The following RPA3 variants were observed in gnomAD, a reference collection of about 807,000 sequenced individuals.
RPA3 encodes the protein replication protein A3.
In RPA3, 24 loss-of-function variants were observed where a neutral mutation model predicts 13.7. That is an observed-to-expected ratio of 1.75 (90% CI 1.27 to 2.46). The LOEUF (loss-of-function observed/expected upper bound fraction) is 2.46. Among genes scored for constraint, RPA3 ranks in the 30% most tolerant of loss-of-function variants. RPA3 has a pLI of 0.00. For synonymous variants in RPA3, 59 were observed against 51.2 expected, an observed-to-expected ratio of 1.15 and a Z score of -0.65; for missense variants, 183 against 151.0, an observed-to-expected ratio of 1.21 and a Z score of -1.11.
In RPA3 at chr7:7,640,800, G is replaced by C. The variant is rs891264015; in HGVS notation, c.-382C>G. On this transcript the variant is annotated 5_prime_UTR_variant, in exon 5 of 8. Transcript: ENST00000223129. ...TGAAGCTCCGGTGCTGGTGCGGCGG[G>C]GGACTGCGGGGCCAGCCTCAGGTAC... 24 of 207,592 alleles carry C rather than the reference G, an allele frequency of 1.2e-4. No individual in the cohort carries two copies. Among genetic ancestry groups the C allele is most frequent in the Non-Finnish European group, 2.0e-4 (20 of 100,534 alleles). 12.9% of individuals were successfully genotyped at this position (207,592 alleles called of 1,614,324 possible).
chr7:7,665,758 T>C (rs1192716166), intron 4 of RPA3, among the ~76,000 whole-genome samples: 1 of 152,178 alleles, frequency 6.6e-6, no homozygotes, highest in East Asian at 1.9e-4. Context: ...TTTGTATTTT[T>C]GAGAAGCTTA....
intron 4 of RPA3, among the ~76,000 whole-genome samples, chr7:7,656,891 C>T (rs919984104): frequency 6.6e-6 from 1 of 152,252 alleles, no homozygotes; most frequent in Non-Finnish European, 1.5e-5. Context: ...AATCACCACA[C>T]TGACTTCCAC....
intron 4 of RPA3, among the ~76,000 whole-genome samples, chr7:7,643,726 CAAACAAACG>C (rs1785030755): frequency 0.018 from 98 of 5,484 alleles, no homozygotes; most frequent in African/African-American, 0.066. Flanking sequence ...AAAAAAAAAA[CAAACAAACG>C]AAAAAAAAAG....
chr7:7,666,935 G>A (rs953690757), intron 4 of RPA3, among the ~76,000 whole-genome samples: 1 of 152,134 alleles, frequency 6.6e-6, no homozygotes, highest in African/African-American at 2.4e-5. Flanking sequence ...AGCCTCCTGA[G>A]TAGCTGGGAT....
intron 4 of RPA3, among the ~76,000 whole-genome samples, chr7:7,673,704 TCC>T (rs68160237): frequency 0.056 from 8,470 of 150,048 alleles, 312 homozygotes; most frequent in Middle Eastern, 0.13. Context: ...CACTTCTTTT[TCC>T]CCCCCTTTTT....
intron 4 of RPA3, among the ~76,000 whole-genome samples, chr7:7,642,019 G>C (rs28916286): frequency 0.054 from 8,292 of 152,220 alleles, 745 homozygotes; most frequent in African/African-American, 0.19. Context: ...GGTTGTATTG[G>C]TGCAAGTCAG....
At chr7:7,679,953 G>A (rs1185558334) in intron 4 of RPA3, among the ~76,000 whole-genome samples, 6 of 151,892 alleles carry the variant, frequency 4.0e-5, no homozygotes, top group Non-Finnish European at 7.4e-5. Flanking sequence ...ATTGTCAGAT[G>A]AGTAGTTTGC....
chr7:7,713,960 G>A (rs1780829382), intron 2 of RPA3, among the ~76,000 whole-genome samples: 1 of 152,108 alleles, frequency 6.6e-6, no homozygotes, highest in South Asian at 2.1e-4. Context: ...TTGGCCTCCT[G>A]AGTAGCTGGG....
At chr7:7,672,229 A>G (rs1449437170) in intron 4 of RPA3, among the ~76,000 whole-genome samples, 2 of 152,172 alleles carry the variant, frequency 1.3e-5, no homozygotes, top group African/African-American at 4.8e-5. Context: ...CTTGTAAGGA[A>G]CTGTCCTCAG....
At chr7:7,711,054 G>T (rs1780750079) in intron 2 of RPA3, among the ~76,000 whole-genome samples, 2 of 152,170 alleles carry the variant, frequency 1.3e-5, no homozygotes, top group African/African-American at 2.4e-5. Context: ...AAAGTTAGAG[G>T]CAAGTGTGTG....
chr7:7,641,275 C>G (rs994673550), intron 4 of RPA3, 100 bp from the exon 5 acceptor site: 1 of 152,230 alleles, frequency 6.6e-6, no homozygotes, highest in East Asian at 1.9e-4. Flanking sequence ...CTAACCCCTC[C>G]GTGTTGGCAG....
At chr7:7,696,838 TTC>T (rs1457925364) in intron 2 of RPA3, among the ~76,000 whole-genome samples, 6 of 151,374 alleles carry the variant, frequency 4.0e-5, no homozygotes, top group African/African-American at 1.5e-4. Context: ...TTCTTTCTTC[TTC>T]TTTTTTTTTT....
intron 2 of RPA3, among the ~76,000 whole-genome samples, chr7:7,711,084 C>G (rs1243072628): frequency 6.6e-6 from 1 of 152,150 alleles, no homozygotes; most frequent in Non-Finnish European, 1.5e-5. Context: ...AAGGATAACA[C>G]TGGGGATTCT....
At chr7:7,675,494 C>A (rs10226060) in intron 4 of RPA3, among the ~76,000 whole-genome samples, 132,963 of 152,126 alleles carry the variant, frequency 0.87, 58,210 homozygotes, top group East Asian at 0.97. Context: ...CTTCTGCCTC[C>A]GAGTATTATC....
intron 2 of RPA3, 63 bp downstream of exon 2, chr7:7,715,112 A>G (rs1185568011): frequency 2.6e-5 from 4 of 152,218 alleles, no homozygotes; most frequent in African/African-American, 9.6e-5. Context: ...ACTCTGAATT[A>G]TAGAATATCT....
intron 4 of RPA3, among the ~76,000 whole-genome samples, chr7:7,657,837 A>G (rs1402313505): frequency 6.6e-6 from 1 of 152,180 alleles, no homozygotes; most frequent in Non-Finnish European, 1.5e-5. Flanking sequence ...AGTTTTTTCT[A>G]ATTCTGTGAA....
At chr7:7,674,127 C>T (rs905679300) in intron 4 of RPA3, among the ~76,000 whole-genome samples, 2 of 152,170 alleles carry the variant, frequency 1.3e-5, no homozygotes, top group Non-Finnish European at 2.9e-5. Context: ...GGTAGTCAAA[C>T]CCAGTGTTTC....
At chr7:7,653,658 G>T (rs1302788783) in intron 4 of RPA3, among the ~76,000 whole-genome samples, 1 of 152,206 alleles carries the variant, frequency 6.6e-6, no homozygotes, top group East Asian at 1.9e-4. Context: ...AGAGTTCTCA[G>T]GTGAAGTCTG....
intron 4 of RPA3, among the ~76,000 whole-genome samples, chr7:7,672,099 C>T (rs570116070): frequency 4.8e-4 from 73 of 152,316 alleles, no homozygotes; most frequent in African/African-American, 1.6e-3. Flanking sequence ...GGCTTTCACT[C>T]ACATTAAATC....
Sources: gnomAD v4.1 joint callset for allele counts (sites outside exome capture counted in the v4.1 genomes callset) on GRCh38, gnomAD v4.1.1 for gene constraint, MANE v1.5 for transcripts, NCBI Gene and HGNC (gene_info 2026-07-23, HGNC 2026-07-21) for gene names.